GRM4: variants seen among roughly 807,000 people sequenced by gnomAD.
GRM4 encodes glutamate metabotropic receptor 4.
GRM4 carries 28 observed loss-of-function variants against 81.7 expected under a neutral mutation model. That is an observed-to-expected ratio of 0.34 (90% CI 0.25 to 0.47). GRM4 has a LOEUF of 0.47. Among genes scored for constraint, GRM4 ranks in the 20% least tolerant of loss-of-function variants. The pLI is 1.00. For missense variants in GRM4, 948 were observed against 1,290.0 expected (o/e 0.73, Z 4.06); for synonymous variants, 488 against 528.8 (o/e 0.92, Z 1.06).
At chr6:34,108,400 C>T (rs1448400752) in intron 2 of GRM4, among the ~76,000 whole-genome samples, 1 of 152,248 alleles carries the variant, frequency 6.6e-6, no homozygotes, top group Non-Finnish European at 1.5e-5. Context: ...GCTGCTAGCG[C>T]CTAGCCCAGT....
At chr6:34,155,321 G>A in exon 1 of GRM4, 4 of 1,522,854 alleles carry the variant, frequency 2.6e-6, no homozygotes, top group Non-Finnish European at 2.6e-6. Flanking sequence ...GCGATGCAGA[G>A]GCGTAGAGGG....
intron 4 of GRM4, chr6:34,060,734 G>T (rs1766140868): frequency 6.6e-6 from 1 of 152,342 alleles, no homozygotes; most frequent in Non-Finnish European, 1.5e-5. Context: ...TGGCTGAGCG[G>T]TGGCCATCAT....
At chr6:34,050,966 TG>T (rs1765583985) in intron 6 of GRM4, among the ~76,000 whole-genome samples, 1 of 152,240 alleles carries the variant, frequency 6.6e-6, no homozygotes, top group Admixed American at 6.5e-5. Context: ...GAAGCAGCAC[TG>T]AGTGAAGGGC....
intron 3 of GRM4, among the ~76,000 whole-genome samples, chr6:34,088,792 G>C (rs1175053208): frequency 6.6e-6 from 1 of 152,270 alleles, no homozygotes; most frequent in Non-Finnish European, 1.5e-5. Context: ...ACCAGGATCT[G>C]TAATAGTCAC....
chr6:34,076,260 A>G (rs4314495), intron 3 of GRM4, among the ~76,000 whole-genome samples: 57,431 of 152,100 alleles, frequency 0.38, 16,187 homozygotes, highest in African/African-American at 0.77. Context: ...GGCAGGCTCG[A>G]TGCCCCCTCC....
rs1763801690 is a variant in GRM4, at chr6:34,019,669, C to G, written c.*3152G>C. On this transcript the variant is annotated 3_prime_UTR_variant, in exon 11 of 11. Transcript: ENST00000538487. Reference sequence around the variant, plus strand: ...GGCCACGGGGGTGAGCACATACCCCCTGCACACAGCAAAGGTCTCTAGGGG... The same window carrying G: ...GGCCACGGGGGTGAGCACATACCCCGTGCACACAGCAAAGGTCTCTAGGGG... The G allele has an allele frequency of 6.6e-6, 1 of 152,178 alleles. No homozygotes were observed. The highest frequency in any genetic ancestry group is 1.5e-5 in the Non-Finnish European group (1 of 68,002). 9.4% of individuals were successfully genotyped at this position (152,178 alleles called of 1,614,324 possible).
Position 34,019,152 on chromosome 6 carries a change from T to C in GRM4, c.*3669A>G, listed in dbSNP as rs1763784125. On this transcript the variant is annotated 3_prime_UTR_variant, in exon 11 of 11. Coordinates refer to ENST00000538487, the MANE Select transcript of GRM4 (RefSeq NM_000841.4). ...TCTGTCCTGCCTGGCTCTATGCCTC[T>C]GCCTCCAGGGCCTGAGAAGTAAGGA... The C allele has an allele frequency of 1.3e-5, 2 of 152,348 alleles. No homozygotes were observed. The highest frequency in any genetic ancestry group is 4.8e-5 in the African/African-American group (2 of 41,428). 9.4% of individuals were successfully genotyped at this position (152,348 alleles called of 1,614,324 possible).
intron 3 of GRM4, among the ~76,000 whole-genome samples, chr6:34,066,176 A>G (rs1223157336): frequency 6.6e-6 from 1 of 152,172 alleles, no homozygotes; most frequent in African/African-American, 2.4e-5. Context: ...CCTCCAAGCC[A>G]GTGCTTCCCC....
chr6:34,030,275 A>G lies in GRM4; in HGVS notation c.2443-1909T>C, dbSNP rs142877111. Among the ~76,000 whole-genome samples, 695 of 152,326 alleles carry G rather than the reference A, an allele frequency of 4.6e-3. 10 individuals carry two copies. Among genetic ancestry groups the G allele is most frequent in the African/African-American group, 0.015 (635 of 41,572 alleles). ...CAAGGTGTGTCTCCCTGATTACATCAGGGTTCCCTGAGGGCAGGGCTGGCT... is the reference window on the plus strand; with the variant it reads ...CAAGGTGTGTCTCCCTGATTACATCGGGGTTCCCTGAGGGCAGGGCTGGCT... On this transcript the variant is annotated intron_variant, in intron 9 of 10. Transcript: ENST00000538487.
chr6:34,141,290 G>A (rs1388453649), intron 1 of GRM4, among the ~76,000 whole-genome samples: 4 of 152,168 alleles, frequency 2.6e-5, no homozygotes, highest in African/African-American at 9.7e-5. Flanking sequence ...CCACCAATGG[G>A]CGACCAGTGC....
chr6:34,090,423 AAAG>A lies in GRM4; in HGVS notation c.736+1457_736+1459del, dbSNP rs1400180365. Among the ~76,000 whole-genome samples the A allele has an allele frequency of 6.6e-6, 1 of 152,116 alleles. No individual in the cohort carries two copies. The highest frequency in any genetic ancestry group is 2.4e-5 in the African/African-American group (1 of 41,420). ...AGGTGCCCAGGTCTTGGGTCTGAGC[AAAG>A]GAGGAAAGGACATGTGGGTGGCCCA... On this transcript the variant is annotated intron_variant, in intron 3 of 10. Coordinates refer to ENST00000538487, the MANE Select transcript of GRM4 (RefSeq NM_000841.4). The surrounding 1 kb of genome is among the most constrained non-coding windows in gnomAD (Gnocchi z 5.2).
chr6:34,049,406 C>T (rs1428574299), intron 6 of GRM4, among the ~76,000 whole-genome samples: 1 of 152,022 alleles, frequency 6.6e-6, no homozygotes, highest in Non-Finnish European at 1.5e-5. Context: ...CCATGCTGGC[C>T]CCCTTCTCTC....
At position 34,092,011 on chromosome 6, in the gene GRM4, G is replaced by A; in HGVS notation, c.608C>T (p.Thr203Met). The A allele has an allele frequency of 1.9e-6, 3 of 1,613,948 alleles. No individual in the cohort carries two copies. Among genetic ancestry groups the A allele is most frequent in the Non-Finnish European group, 2.5e-6 (3 of 1,179,794 alleles). Residue 203 changes from threonine to methionine, a missense_variant, in exon 3 of 11, where the codon ACG (threonine) becomes ATG (methionine). By Grantham distance (81) the Thr-to-Met change is moderately conservative (BLOSUM62 -1). Transcript: ENST00000538487. This position sits in a 1 kb window ranked among gnomAD's most constrained non-coding sequence, Gnocchi z 6.8. ...GTCCACCATGGCCTGGGCCTGGTAC[G>A]TGTCCGAGGGCACCACGCGGGAGAA... ...DFFSRVVPSDTYQAQAMVDIV... is the reference protein window; with the variant it reads ...DFFSRVVPSDMYQAQAMVDIV...
Position 34,133,082 on chromosome 6 carries a change from C to G in GRM4, c.415G>C (p.Gly139Arg). The change falls in exon 2 of 11, where the codon GGC becomes CGC. Residue 139 changes from glycine (G) to arginine (R), a missense_variant. By Grantham distance (125) the Gly-to-Arg change is moderately radical. Coordinates refer to ENST00000538487, the MANE Select transcript of GRM4 (RefSeq NM_000841.4). This position sits in a 1 kb window ranked among gnomAD's most constrained non-coding sequence, Gnocchi z 6.5. Reference protein sequence around the residue: ...KDGTEVRCGSGGPPIITKPER... With the variant: ...KDGTEVRCGSRGPPIITKPER... ...GGCTTGGTGATGATGGGTGGGCCGC[C>G]ACTGCCACAGCGGACCTCTGTGCCA... is the stretch of plus-strand genomic sequence containing the variant. 1.2e-6 allele frequency: 2 copies of G among 1,614,048 alleles called. No homozygotes were observed. Among genetic ancestry groups the G allele is most frequent in the Non-Finnish European group, 1.7e-6 (2 of 1,179,970 alleles).
Position 34,028,163 on chromosome 6 carries a change from G to C in GRM4, c.2646C>G (p.Asn882Lys). The C allele has an allele frequency of 6.2e-7, 1 of 1,613,954 alleles. No individual in the cohort carries two copies. Among genetic ancestry groups the C allele is most frequent in the Non-Finnish European group, 8.5e-7 (1 of 1,179,964 alleles). The change falls in exon 10 of 11, where the codon AAC becomes AAG. Residue 882 changes from asparagine to lysine, a missense_variant. Coordinates refer to ENST00000538487, the MANE Select transcript of GRM4 (RefSeq NM_000841.4). ...KFTQKGNFRP[N>K]GEAKSELCEN... The stretch of plus-strand genomic sequence containing the variant: ...CGCAGAGCTCAGACTTGGCCTCTCC[G>C]TTGGGCCGGAAGTTGCCCTTCTGCG...
chr6:34,143,523 C>T (rs1770791298), intron 1 of GRM4, among the ~76,000 whole-genome samples: 2 of 152,240 alleles, frequency 1.3e-5, no homozygotes, highest in Non-Finnish European at 2.9e-5. Flanking sequence ...GTTCTGCCAC[C>T]TCCGAAAGGG....
At chr6:34,097,551 G>A (rs1400856952) in intron 2 of GRM4, among the ~76,000 whole-genome samples, 1 of 152,210 alleles carries the variant, frequency 6.6e-6, no homozygotes, top group Non-Finnish European at 1.5e-5. Context: ...AACCAGCCCA[G>A]GCATGCTGAT....
chr6:34,122,076 G>A (rs577137104), intron 2 of GRM4, among the ~76,000 whole-genome samples: 72 of 152,236 alleles, frequency 4.7e-4, no homozygotes, highest in African/African-American at 1.7e-3. Flanking sequence ...AAGTAGGAGA[G>A]AGGCTGGGAT....
intron 1 of GRM4, among the ~76,000 whole-genome samples, 166 bp downstream of exon 1, chr6:34,145,833 AC>A: frequency 6.6e-6 from 1 of 151,828 alleles, no homozygotes; most frequent in South Asian, 2.1e-4. Flanking sequence ...CCTGGAGCCC[AC>A]CCCCTACCCC....
Sources: gnomAD v4.1 joint callset for allele counts (sites outside exome capture counted in the v4.1 genomes callset) on GRCh38, gnomAD v4.1.1 for gene constraint, Gnocchi (gnomAD v3.1) non-coding constraint, MANE v1.5 for transcripts, NCBI Gene and HGNC (gene_info 2026-07-23, HGNC 2026-07-21) for gene names.